The following WDFY4 variants were observed in gnomAD, a reference collection of about 807,000 sequenced individuals.
The protein encoded by WDFY4 is WDFY family member 4, also known as WD repeat- and FYVE domain-containing protein 4.
Under a neutral mutation model 351.9 loss-of-function variants are expected in WDFY4, and 169 were observed. The ratio of observed to expected loss-of-function variants is 0.48; its 90% CI spans 0.42 to 0.55. WDFY4 has a LOEUF of 0.55. WDFY4 is among the 20% of genes least tolerant of loss of function. WDFY4 has a pLI of 0.00. For missense variants in WDFY4, 3,803 were observed against 3,935.6 expected (o/e 0.97, Z 0.90); for synonymous variants, 1,622 against 1,574.6 (o/e 1.03, Z -0.71).
At position 48,787,807 on chromosome 10, in the gene WDFY4, C is replaced by CTCTTCTTCT. The variant is rs1555010319; in HGVS notation, c.3809-679_3809-671dup. Among the ~76,000 whole-genome samples, 138 of 76,732 alleles carry CTCTTCTTCT rather than the reference C, an allele frequency of 1.8e-3. 6 individuals are homozygous for CTCTTCTTCT. Among genetic ancestry groups the CTCTTCTTCT allele is most frequent in the Non-Finnish European group, 2.3e-3 (92 of 40,876 alleles). The allele number at this position is 76,732 out of a possible 152,430, so 50.3% of individuals were successfully genotyped here. ...CCTCTTCCTCCTCCTCCTCCTCCTC[C>CTCTTCTTCT]TCTTCTTCTTCTTCTTCTTCTTCTT... On this transcript the variant is annotated intron_variant, in intron 20 of 61. Coordinates refer to ENST00000325239, the MANE Select transcript of WDFY4 (RefSeq NM_001394531.1).
rs59039598 is a variant in WDFY4 at position 48,800,670 on chromosome 10, G to GTTTCTTTCTTTCTTTC, written c.4411-2579_4411-2564dup. Reference sequence around the variant, plus strand: ...GTGGGCTTCTAAGTCTTAGGTTTTGGTTTCTTTCTTTCTTTCTTTCTTTCT... The same window carrying GTTTCTTTCTTTCTTTC: ...GTGGGCTTCTAAGTCTTAGGTTTTGGTTTCTTTCTTTCTTTCTTTCTTTCTTTCTTTCTTTCTTTCT... On this transcript the variant is annotated intron_variant, in intron 24 of 61. Transcript: ENST00000325239. Among the ~76,000 whole-genome samples, 431 of 115,288 alleles carry GTTTCTTTCTTTCTTTC rather than the reference G, an allele frequency of 3.7e-3. 4 individuals carry two copies. The highest frequency in any genetic ancestry group is 4.6e-3 in the Non-Finnish European group (272 of 58,676). The allele number at this position is 115,288 out of a possible 152,430, so 75.6% of individuals were successfully genotyped here.
chr10:48,775,913 A>G, intron 15 of WDFY4, 107 bp downstream of exon 15: 2 of 1,084,550 alleles, frequency 1.8e-6, no homozygotes, highest in Non-Finnish European at 2.7e-6. Context: ...AGGTTTAAAC[A>G]TGGTTTTGTC....
rs543668212 is a variant in WDFY4, at chr10:48,790,939, G to T, written c.4257+22G>T. 9.0e-6 allele frequency: 14 copies of T among 1,550,836 alleles called. No homozygotes were observed. In the African/African-American group the frequency reaches 1.4e-4, roughly 15 times the overall value. ...CCAGGTAATCCCATCCTCCCACCTG[G>T]AACTGAGACTCCTGAAAGGGCTGTC... On this transcript the variant is annotated intron_variant, in intron 23 of 61. Transcript: ENST00000325239.
At chr10:48,935,886 A>C in intron 47 of WDFY4, among the ~76,000 whole-genome samples, 1 of 140,042 alleles carries the variant, frequency 7.1e-6, no homozygotes, top group East Asian at 2.1e-4. Flanking sequence ...GAAATTATCT[A>C]TTTGTGCATC....
chr10:48,760,445 C>G lies in WDFY4; in HGVS notation c.2553+5C>G. 1.3e-6 allele frequency: 2 copies of G among 1,551,586 alleles called. No homozygotes were observed. Among genetic ancestry groups the G allele is most frequent in the Non-Finnish European group, 1.7e-6 (2 of 1,146,902 alleles). The stretch of plus-strand genomic sequence containing the variant: ...TACCATGAAGATCACCCACAGGTAC[C>G]TGGTGTTGAATATGTGTGTTTTGTC... On this transcript the variant is annotated splice_donor_5th_base_variant and intron_variant, in intron 13 of 61. Transcript: ENST00000325239.
intron 47 of WDFY4, 148 bp from the exon 48 acceptor site, chr10:48,941,658 T>C (rs1274240580): frequency 2.6e-6 from 2 of 761,866 alleles, no homozygotes; most frequent in Non-Finnish European, 4.5e-6. Context: ...CTCCCTGTGC[T>C]GTCCGCTGAG....
At chr10:48,794,242 G>T (rs919468293) in intron 23 of WDFY4, among the ~76,000 whole-genome samples, 2 of 152,138 alleles carry the variant, frequency 1.3e-5, no homozygotes, top group African/African-American at 4.8e-5. Flanking sequence ...TGGGGATGAG[G>T]TTCAAGCAGG....
In WDFY4 at chr10:48,831,408, G is replaced by T. The variant is rs369390883; in HGVS notation, c.6526+523G>T. Among the ~76,000 whole-genome samples, 265 of 152,318 alleles carry T rather than the reference G, an allele frequency of 1.7e-3. 1 individual carries two copies. The highest frequency in any genetic ancestry group is 6.0e-3 in the African/African-American group (250 of 41,576). On this transcript the variant is annotated intron_variant, in intron 38 of 61. Coordinates refer to ENST00000325239, the MANE Select transcript of WDFY4 (RefSeq NM_001394531.1). ...TTTTTGCATATTAGTCAATGCAACT[G>T]CAAGAATGAATTTTTAATTTTGTTT...
chr10:48,806,244 G>A lies in WDFY4; in HGVS notation c.4738+149G>A. ...TTTCCAAGCCGTGGCCTGTGAGGCT[G>A]TCATTTTATGATGAGAGTCAGAAAT... On this transcript the variant is annotated intron_variant, in intron 27 of 61. Coordinates refer to ENST00000325239, the MANE Select transcript of WDFY4 (RefSeq NM_001394531.1). 7.2e-6 allele frequency: 5 copies of A among 695,844 alleles called. No homozygotes were observed. The South Asian group carries it at 8.3e-5, about 12-fold the overall frequency. 43.1% of individuals were successfully genotyped at this position (695,844 alleles called of 1,614,324 possible).
At chr10:48,956,922 TG>T (rs1374136643) in intron 51 of WDFY4, among the ~76,000 whole-genome samples, 1 of 152,224 alleles carries the variant, frequency 6.6e-6, no homozygotes, top group East Asian at 1.9e-4. Context: ...CTTGAAGCTC[TG>T]GAGCAAGGTT....
intron 47 of WDFY4, among the ~76,000 whole-genome samples, chr10:48,937,915 C>T (rs1378361871): frequency 6.6e-6 from 1 of 152,134 alleles, no homozygotes; most frequent in African/African-American, 2.4e-5. Flanking sequence ...CTGTCCCTGC[C>T]ACACTCTACC....
Position 48,830,818 on chromosome 10 carries a change from A to G in WDFY4, c.6459A>G (p.Glu2153=), listed in dbSNP as rs1565249102. 2.6e-6 allele frequency: 4 copies of G among 1,551,560 alleles called. No individual in the cohort carries two copies. Among genetic ancestry groups the G allele is most frequent in the Non-Finnish European group, 3.5e-6 (4 of 1,146,966 alleles). ...IDLSVKPGER[E]VKIEEVTPLW... is the part of the protein sequence containing the mutation. ...TCTCTGTGAAACCTGGAGAGAGGGA[A>G]GTGAAGATTGAAGAGGTCACACCGC... is the stretch of plus-strand genomic sequence containing the variant. Residue 2153 remains glutamate, a synonymous_variant, in exon 38 of 62, where the codon GAA becomes GAG. Coordinates refer to ENST00000325239, the MANE Select transcript of WDFY4 (RefSeq NM_001394531.1).
In WDFY4 at chr10:48,910,899, C is replaced by T. The variant is rs554334175; in HGVS notation, c.7586+9036C>T. ...GGGCACCAGGTGGGCTCTGTAACCT[C>T]GATGTTTCTCTTAACTTCTCTCCTT... is the stretch of plus-strand genomic sequence containing the variant. On this transcript the variant is annotated intron_variant, in intron 47 of 61. Coordinates refer to ENST00000325239, the MANE Select transcript of WDFY4 (RefSeq NM_001394531.1). 1.3e-4 allele frequency: 126 copies of T among 985,052 alleles called. 1 individual carries two copies. The South Asian group carries it at 2.0e-3, about 15-fold the overall frequency. 61.0% of individuals were successfully genotyped at this position (985,052 alleles called of 1,614,324 possible).
chr10:48,748,869 C>T (rs1436198942), intron 12 of WDFY4, among the ~76,000 whole-genome samples: 1 of 152,202 alleles, frequency 6.6e-6, no homozygotes, highest in Non-Finnish European at 1.5e-5. Flanking sequence ...CAAGTGGCTT[C>T]CCTCAGCCCT....
At chr10:48,700,712 C>T (rs1320368121) in intron 1 of WDFY4, among the ~76,000 whole-genome samples, 1 of 152,208 alleles carries the variant, frequency 6.6e-6, no homozygotes. Flanking sequence ...AGTTCCTGTG[C>T]CATGGGCTTT....
At chr10:48,970,319 T>G (rs1842283972) in intron 57 of WDFY4, 30 bp downstream of exon 57, 1 of 1,545,032 alleles carries the variant, frequency 6.5e-7, no homozygotes, top group Non-Finnish European at 8.7e-7. Flanking sequence ...GGTGCGGTCC[T>G]CAGGTGGGGA....
At chr10:48,958,008 C>T (rs907369235) in intron 52 of WDFY4, among the ~76,000 whole-genome samples, 1 of 152,248 alleles carries the variant, frequency 6.6e-6, no homozygotes, top group South Asian at 2.1e-4. Context: ...GCAGAGAACA[C>T]GCATGAGCCA....
chr10:48,773,889 T>G (rs762257272), intron 13 of WDFY4, among the ~76,000 whole-genome samples: 15 of 152,130 alleles, frequency 9.9e-5, no homozygotes, highest in Non-Finnish European at 2.2e-4. Flanking sequence ...GATTCCACCT[T>G]TTACTCCGGG....
At chr10:48,756,794 A>G (rs544017932) in intron 12 of WDFY4, among the ~76,000 whole-genome samples, 18 of 152,056 alleles carry the variant, frequency 1.2e-4, no homozygotes, top group Non-Finnish European at 2.4e-4. Context: ...GGGTAGTCCA[A>G]TTGGCCATAG....
Sources: allele counts gnomAD v4.1 joint callset (sites outside exome capture counted in the v4.1 genomes callset), GRCh38; gene constraint gnomAD v4.1.1; transcripts MANE v1.5; gene names NCBI Gene and HGNC (gene_info 2026-07-23, HGNC 2026-07-21).